Variants in MOV10L1 observed in about 807,000 individuals in gnomAD.
MOV10L1 encodes Mov10 like RNA helicase 1, also known as RNA helicase Mov10l1.
In MOV10L1, 110 loss-of-function variants were observed where a neutral mutation model predicts 143.8. That is an observed-to-expected ratio of 0.76 (90% CI 0.66 to 0.90). The LOEUF (loss-of-function observed/expected upper bound fraction) is 0.90, where lower values mean the gene tolerates loss of function less well. Ranked by LOEUF, MOV10L1 falls within the 40% of genes least tolerant of loss-of-function variation. MOV10L1 has a pLI of 0.00. For synonymous variants in MOV10L1, 593 were observed against 581.1 expected, an observed-to-expected ratio of 1.02 and a Z score of -0.29; for missense variants, 1,406 against 1,526.8, an observed-to-expected ratio of 0.92 and a Z score of 1.32.
At chr22:50,122,255 A>C (rs1164825288) in intron 10 of MOV10L1, among the ~76,000 whole-genome samples, 1 of 152,142 alleles carries the variant, frequency 6.6e-6, no homozygotes, top group Non-Finnish European at 1.5e-5. Context: ...TTTTCTCTGT[A>C]TATGTTTTTC....
intron 5 of MOV10L1, among the ~76,000 whole-genome samples, chr22:50,111,680 T>C (rs974433431): frequency 2.6e-5 from 4 of 151,934 alleles, no homozygotes; most frequent in South Asian, 2.1e-4. Flanking sequence ...ATTTTTTGTA[T>C]TTTTAATAGA....
rs2063330224 is a variant in MOV10L1 at position 50,152,634 on chromosome 22, C to A, written c.2893-411C>A. On this transcript the variant is annotated intron_variant, in intron 21 of 26. Transcript: ENST00000262794. This position sits in a 1 kb window ranked among gnomAD's most constrained non-coding sequence, Gnocchi z 4.4. ...CCAGGGGCCCAGGAGCTCTTCCTTC[C>A]CTGTGGCCAAGCGGAGGCAGGGCTG... Among the ~76,000 whole-genome samples, 1 of 152,154 alleles carries A rather than the reference C, an allele frequency of 6.6e-6. No individual in the cohort carries two copies. The highest frequency in any genetic ancestry group is 1.5e-5 in the Non-Finnish European group (1 of 68,022).
At chr22:50,155,815 C>T (rs1241262509) in intron 22 of MOV10L1, among the ~76,000 whole-genome samples, 2 of 152,118 alleles carry the variant, frequency 1.3e-5, no homozygotes, top group Non-Finnish European at 2.9e-5. Context: ...ATGTGGGAGG[C>T]CAAGGCAGGC....
At chr22:50,135,263 C>T (rs896407103) in intron 15 of MOV10L1, among the ~76,000 whole-genome samples, 5 of 151,838 alleles carry the variant, frequency 3.3e-5, no homozygotes, top group Non-Finnish European at 5.9e-5. Flanking sequence ...CCACCCTCCT[C>T]GGCCTCCCAA....
chr22:50,154,547 G>A lies in MOV10L1; in HGVS notation c.3066+1329G>A, dbSNP rs577758360. Among the ~76,000 whole-genome samples, 4 of 152,170 alleles carry A rather than the reference G, an allele frequency of 2.6e-5. No homozygotes were observed. In the South Asian group the frequency reaches 6.2e-4, roughly 24 times the overall value. ...TGCACCACTGTACCCCAGCCCAGGC[G>A]ACAGAGTGAGACCCTGACTCTAAAA... is the stretch of plus-strand genomic sequence containing the variant. On this transcript the variant is annotated intron_variant, in intron 22 of 26. Coordinates refer to ENST00000262794, the MANE Select transcript of MOV10L1 (RefSeq NM_018995.3).
chr22:50,158,507 A>G lies in MOV10L1; in HGVS notation c.3216+301A>G. On this transcript the variant is annotated intron_variant, in intron 23 of 26. Coordinates refer to ENST00000262794, the MANE Select transcript of MOV10L1 (RefSeq NM_018995.3). The surrounding 1 kb of genome is among the most constrained non-coding windows in gnomAD (Gnocchi z 5.0). ...TTTGGGAAAACATTTGCCAACCCCC[A>G]GCTCTAACCCAGTGTTTCTCAAAGG... 2.8e-6 allele frequency: 1 copy of G among 355,564 alleles called. No homozygotes were observed. Among genetic ancestry groups the G allele is most frequent in the South Asian group, 3.8e-5 (1 of 26,158 alleles). 22.0% of individuals were successfully genotyped at this position (355,564 alleles called of 1,614,324 possible).
chr22:50,099,803 A>G (rs1385009873), intron 3 of MOV10L1, among the ~76,000 whole-genome samples: 1 of 152,012 alleles, frequency 6.6e-6, no homozygotes, highest in African/African-American at 2.4e-5. Context: ...ACAGAACACA[A>G]CCCTGTGTCT....
chr22:50,103,656 A>C (rs995639597), intron 3 of MOV10L1, among the ~76,000 whole-genome samples: 1 of 152,154 alleles, frequency 6.6e-6, no homozygotes, highest in Non-Finnish European at 1.5e-5. Flanking sequence ...GGCCCTCTTC[A>C]TTCCCAGTTG....
Position 50,150,826 on chromosome 22 carries a change from G to A in MOV10L1, c.2819G>A (p.Arg940Gln), listed in dbSNP as rs2063279126. Residue 940 changes from arginine (R) to glutamine (Q), a missense_variant, in exon 21 of 27, where the codon CGG becomes CAG. This residue lies in a region of MOV10L1 where 1,233 missense variants were observed against 1,351.4 expected (regional missense o/e 0.91). Transcript: ENST00000262794. ...AYGLNVSFLERLMSRPAYQRD... is the reference protein window; with the variant it reads ...AYGLNVSFLEQLMSRPAYQRD... Reference sequence around the variant, plus strand: ...GGGCTGAACGTGTCCTTTTTGGAACGGCTGATGTCTCGACCCGCGTACCAG... The same window carrying A: ...GGGCTGAACGTGTCCTTTTTGGAACAGCTGATGTCTCGACCCGCGTACCAG... 2 of 1,614,214 alleles carry A rather than the reference G, an allele frequency of 1.2e-6. No individual in the cohort carries two copies. The highest frequency in any genetic ancestry group is 1.7e-6 in the Non-Finnish European group (2 of 1,180,030).
chr22:50,106,207 G>A (rs2061860940), intron 3 of MOV10L1, among the ~76,000 whole-genome samples: 1 of 152,022 alleles, frequency 6.6e-6, no homozygotes, highest in African/African-American at 2.4e-5. Flanking sequence ...ACCCAGGCTG[G>A]AGTGCAGTGG....
intron 15 of MOV10L1, among the ~76,000 whole-genome samples, chr22:50,140,384 A>G (rs2340603): frequency 0.23 from 34,529 of 151,924 alleles, 4,283 homozygotes; most frequent in Admixed American, 0.35. Context: ...AAATATGTGC[A>G]CCTTATTGTA....
rs1476811513 is a variant in MOV10L1, at chr22:50,153,069, C to T, written c.2917C>T (p.Arg973Trp). ...LLVTKLVKNYRSHEALLMLPS... is the reference protein window; with the variant it reads ...LLVTKLVKNYWSHEALLMLPS... ...GGTCACAAAGCTGGTGAAGAACTAC[C>T]GGTCCCACGAGGCCCTGCTGATGCT... is the stretch of plus-strand genomic sequence containing the variant. The change falls in exon 22 of 27, where the codon CGG (arginine) becomes TGG (tryptophan). Residue 973 changes from arginine to tryptophan, a missense_variant. Arg to Trp is a moderately radical substitution (Grantham distance 101). Around this residue, in one of 3 missense-constraint regions of MOV10L1, gnomAD observed 1,233 missense variants for 1,351.4 expected, o/e 0.91. Coordinates refer to ENST00000262794, the MANE Select transcript of MOV10L1 (RefSeq NM_018995.3). The T allele has an allele frequency of 1.9e-6, 3 of 1,609,790 alleles. No individual in the cohort carries two copies. The highest frequency in any genetic ancestry group is 1.1e-5 in the South Asian group (1 of 90,886).
At position 50,134,757 on chromosome 22, in the gene MOV10L1, T is replaced by C. The variant is rs1381095133; in HGVS notation, c.2070+127T>C. On this transcript the variant is annotated intron_variant, in intron 15 of 26. Transcript: ENST00000262794. ...GGGATGGCTCAGCGATGTAACTGTC[T>C]ACACAGGGGGTGGGCGTTTCCTTCT... The C allele has an allele frequency of 6.6e-6, 5 of 757,162 alleles. No individual in the cohort carries two copies. The African/African-American group carries it at 6.9e-5, about 10-fold the overall frequency. 46.9% of individuals were successfully genotyped at this position (757,162 alleles called of 1,614,324 possible). A position where few individuals can be genotyped will look rare whatever the true frequency, so the allele number is the denominator to read the frequency against.
chr22:50,128,352 T>TC (rs2062572090), intron 12 of MOV10L1, 64 bp from the exon 13 acceptor site: 1 of 911,616 alleles, frequency 1.1e-6, no homozygotes, highest in African/African-American at 1.7e-5. Flanking sequence ...TTTGATGATG[T>TC]GTCGCTAGAT....
rs115825988 is a variant in MOV10L1 at position 50,154,211 on chromosome 22, G to A, written c.3066+993G>A. On this transcript the variant is annotated intron_variant, in intron 22 of 26. Coordinates refer to ENST00000262794, the MANE Select transcript of MOV10L1 (RefSeq NM_018995.3). ...GGTCCCTCCCCTGCAGTGGTCTCCCGCCATCTGTCCTGCTAGCTCTGCCCA... is the reference window on the plus strand; with the variant it reads ...GGTCCCTCCCCTGCAGTGGTCTCCCACCATCTGTCCTGCTAGCTCTGCCCA... Among the ~76,000 whole-genome samples the A allele has an allele frequency of 6.5e-3, 992 of 152,148 alleles. 9 individuals carry two copies. The highest frequency in any genetic ancestry group is 0.022 in the African/African-American group (931 of 41,512).
chr22:50,108,489 C>G, intron 4 of MOV10L1, 168 bp from the exon 5 acceptor site: 1 of 779,866 alleles, frequency 1.3e-6, no homozygotes, highest in Middle Eastern at 2.3e-4. Flanking sequence ...CTAAAATGTT[C>G]TAAGGAGAAA....
Position 50,150,765 on chromosome 22 carries a change from G to C in MOV10L1, c.2758G>C (p.Gly920Arg), listed in dbSNP as rs766986744. ...GCTGGCAGGAGACCCCATGCAGCTC[G>C]GCCCAGTCATTAAGTCCAGACTCGC... ...IVLAGDPMQL[G>R]PVIKSRLAMA... Residue 920 changes from glycine (G) to arginine (R), a missense_variant, in exon 21 of 27, where the codon GGC (glycine) becomes CGC (arginine). By Grantham distance (125) the Gly-to-Arg change is moderately radical (BLOSUM62 -2). This residue lies in a region of MOV10L1 where 1,233 missense variants were observed against 1,351.4 expected (regional missense o/e 0.91). Coordinates refer to ENST00000262794, the MANE Select transcript of MOV10L1 (RefSeq NM_018995.3). The C allele has an allele frequency of 8.1e-6, 13 of 1,614,064 alleles. No individual in the cohort carries two copies. Among genetic ancestry groups the C allele is most frequent in the Non-Finnish European group, 1.1e-5 (13 of 1,180,002 alleles).
At chr22:50,115,389 AC>A in intron 8 of MOV10L1, 143 bp downstream of exon 8, 1 of 897,108 alleles carries the variant, frequency 1.1e-6, no homozygotes, top group Non-Finnish European at 1.5e-6. Flanking sequence ...CCATGGCGAA[AC>A]CCCGCCTCTA....
chr22:50,153,765 A>G (rs1396374089), intron 22 of MOV10L1, among the ~76,000 whole-genome samples: 1 of 152,214 alleles, frequency 6.6e-6, no homozygotes, highest in Non-Finnish European at 1.5e-5. Context: ...CAAAATTACA[A>G]GCATTCGCTA....
Sources: allele counts gnomAD v4.1 joint callset (sites outside exome capture counted in the v4.1 genomes callset), GRCh38; gene constraint gnomAD v4.1.1; regional missense constraint gnomAD v4.1.1; non-coding constraint Gnocchi (gnomAD v3.1); transcripts MANE v1.5; gene names NCBI Gene and HGNC (gene_info 2026-07-23, HGNC 2026-07-21).